Variants in BBS9 observed in about 807,000 individuals in gnomAD.
BBS9 encodes protein PTHB1.
A neutral mutation model predicts 117.7 loss-of-function variants in BBS9; 89 were observed. The ratio of observed to expected loss-of-function variants is 0.76; its 90% confidence interval spans 0.64 to 0.90. The LOEUF is 0.90. Ranked by LOEUF, BBS9 falls within the 40% of genes least tolerant of loss-of-function variation. The pLI is 0.00. For missense variants in BBS9, 982 were observed against 1,042.2 expected (o/e 0.94, Z 0.80); for synonymous variants, 379 against 370.9 (o/e 1.02, Z -0.25).
At chr7:33,191,459 T>C (rs969768982) in intron 5 of BBS9, among the ~76,000 whole-genome samples, 2 of 152,128 alleles carry the variant, frequency 1.3e-5, no homozygotes, top group Non-Finnish European at 2.9e-5. Flanking sequence ...ACTGTAAATA[T>C]CCACCTTGCT....
intron 19 of BBS9, among the ~76,000 whole-genome samples, chr7:33,449,542 C>A (rs970532017): frequency 6.6e-6 from 1 of 152,066 alleles, no homozygotes; most frequent in African/African-American, 2.4e-5. Flanking sequence ...GGAAGCCAGC[C>A]GTGAGGGCTT....
chr7:33,177,590 A>C lies in BBS9; in HGVS notation c.441A>C (p.Lys147Asn). ...NMTYGSFGGVKGRDLICIQSM... is the reference protein window; with the variant it reads ...NMTYGSFGGVNGRDLICIQSM... ...CCTATGGATCATTTGGTGGTGTAAA[A>C]GGTAATTTGCTTTTAATCATGAGTA... The change falls in exon 5 of 23, where the codon AAA (lysine) becomes AAC (asparagine). Residue 147 changes from lysine (K) to asparagine (N), a missense_variant and splice_region_variant. Transcript: ENST00000242067. The C allele has an allele frequency of 6.2e-7, 1 of 1,603,406 alleles. No individual in the cohort carries two copies. The highest frequency in any genetic ancestry group is 8.5e-7 in the Non-Finnish European group (1 of 1,170,518).
chr7:33,329,516 TTTGA>T (rs1410369253), intron 9 of BBS9, among the ~76,000 whole-genome samples: 1 of 152,196 alleles, frequency 6.6e-6, no homozygotes, highest in Non-Finnish European at 1.5e-5. Context: ...ATAACAGATA[TTTGA>T]TAAGATATGA....
At chr7:33,420,251 T>C (rs1187955806) in intron 19 of BBS9, among the ~76,000 whole-genome samples, 1 of 152,186 alleles carries the variant, frequency 6.6e-6, no homozygotes, top group Non-Finnish European at 1.5e-5. Flanking sequence ...GGGGATGATA[T>C]TCCATTGTGT....
chr7:33,482,898 A>G (rs1324632448), intron 19 of BBS9, among the ~76,000 whole-genome samples: 1 of 152,168 alleles, frequency 6.6e-6, no homozygotes, highest in African/African-American at 2.4e-5. Context: ...TCCATTTACT[A>G]TGAATGGGAA....
At chr7:33,187,477 G>A (rs1026651728) in intron 5 of BBS9, among the ~76,000 whole-genome samples, 2 of 152,254 alleles carry the variant, frequency 1.3e-5, no homozygotes, top group Non-Finnish European at 2.9e-5. Context: ...TTCAGGGACT[G>A]AAGCAAGTCT....
chr7:33,409,984 A>G (rs1433972119), intron 19 of BBS9, among the ~76,000 whole-genome samples: 1 of 151,528 alleles, frequency 6.6e-6, no homozygotes, highest in Non-Finnish European at 1.5e-5. Flanking sequence ...TTCTGCCTTT[A>G]AACCTTAGGA....
chr7:33,251,519 G>A (rs78263145), intron 5 of BBS9, among the ~76,000 whole-genome samples: 6,827 of 152,184 alleles, frequency 0.045, 200 homozygotes, highest in Non-Finnish European at 0.063. Flanking sequence ...TAGATGAGGG[G>A]GAGAAAAGTT....
intron 19 of BBS9, chr7:33,390,772 T>C (rs1277742826): frequency 3.7e-6 from 1 of 272,146 alleles, no homozygotes; most frequent in African/African-American, 2.3e-5. Flanking sequence ...AGAAATGTAA[T>C]CATTCTTACT....
chr7:33,142,589 A>G (rs10951377), intron 1 of BBS9, among the ~76,000 whole-genome samples: 2 of 152,056 alleles, frequency 1.3e-5, no homozygotes, highest in Non-Finnish European at 2.9e-5. Flanking sequence ...ACCTATTAAC[A>G]GTTCTCCTTT....
At chr7:33,491,481 G>A (rs763813171) in intron 19 of BBS9, among the ~76,000 whole-genome samples, 2 of 152,170 alleles carry the variant, frequency 1.3e-5, no homozygotes, top group Non-Finnish European at 2.9e-5. Flanking sequence ...AGAATGTTCT[G>A]CTAGTAATAT....
At chr7:33,605,014 C>A in intron 22 of BBS9, 39 bp downstream of exon 22, 3 of 1,540,524 alleles carry the variant, frequency 1.9e-6, no homozygotes, top group South Asian at 1.1e-5. Context: ...TTAGTTAAGT[C>A]AGAAGCAGTG....
At chr7:33,212,675 G>A (rs1312929517) in intron 5 of BBS9, among the ~76,000 whole-genome samples, 1 of 152,154 alleles carries the variant, frequency 6.6e-6, no homozygotes, top group African/African-American at 2.4e-5. Flanking sequence ...GTCTGGGCTT[G>A]TTTGTGCCTG....
chr7:33,445,943 A>T (rs1836927150), intron 19 of BBS9, among the ~76,000 whole-genome samples: 1 of 152,190 alleles, frequency 6.6e-6, no homozygotes, highest in Non-Finnish European at 1.5e-5. Flanking sequence ...TAAGTCAGTT[A>T]TACCTTTCTT....
chr7:33,298,488 T>G (rs1805728052), intron 9 of BBS9, among the ~76,000 whole-genome samples: 1 of 152,210 alleles, frequency 6.6e-6, no homozygotes, highest in South Asian at 2.1e-4. Flanking sequence ...TGCCCACTTT[T>G]AACAATTATT....
chr7:33,490,530 A>G (rs1843748155), intron 19 of BBS9, among the ~76,000 whole-genome samples: 4 of 152,170 alleles, frequency 2.6e-5, no homozygotes, highest in Admixed American at 2.6e-4. Flanking sequence ...AAAGATAGTC[A>G]TTAAGAATTA....
At chr7:33,184,941 A>T (rs1798613279) in intron 5 of BBS9, among the ~76,000 whole-genome samples, 1 of 152,216 alleles carries the variant, frequency 6.6e-6, no homozygotes. Context: ...TGGATTATTT[A>T]TGAGTTTTCC....
At chr7:33,506,988 G>A (rs1490036769) in intron 20 of BBS9, among the ~76,000 whole-genome samples, 1 of 152,164 alleles carries the variant, frequency 6.6e-6, no homozygotes, top group Non-Finnish European at 1.5e-5. Flanking sequence ...GGTGACTTCA[G>A]TTATTGGTTC....
At chr7:33,480,253 C>G (rs968272949) in intron 19 of BBS9, among the ~76,000 whole-genome samples, 1 of 152,088 alleles carries the variant, frequency 6.6e-6, no homozygotes, top group African/African-American at 2.4e-5. Context: ...TTCTTATTTC[C>G]CAGTGTTAAC....
Sources: gnomAD v4.1 joint callset for allele counts (sites outside exome capture counted in the v4.1 genomes callset) on GRCh38, gnomAD v4.1.1 for gene constraint, MANE v1.5 for transcripts, NCBI Gene and HGNC (gene_info 2026-07-23, HGNC 2026-07-21) for gene names.